Variants in ATP11C observed in about 807,000 individuals in gnomAD.
ATP11C encodes ATPase phospholipid transporting 11C (ATP11C blood group), also known as phospholipid-transporting ATPase IG.
In ATP11C, 36 loss-of-function variants were observed where a neutral mutation model predicts 97.4. That is an observed-to-expected ratio of 0.37 (90% CI 0.28 to 0.49). The LOEUF (loss-of-function observed/expected upper bound fraction) is 0.49. Among genes scored for constraint, ATP11C ranks in the 20% least tolerant of loss-of-function variants. The pLI is 0.98. For synonymous variants in ATP11C, 275 were observed against 290.9 expected (o/e 0.95, Z 0.56); for missense variants, 730 against 824.6 (o/e 0.89, Z 1.40).
chrX:139,853,568 A>C (rs1396558250), intron 1 of ATP11C, among the ~76,000 whole-genome samples: 1 of 110,608 alleles, frequency 9.0e-6, no homozygotes, highest in African/African-American at 3.3e-5. Context: ...CCTGTACTTG[A>C]TAATTAAAGG....
chrX:139,765,268 T>C (rs1214368012), intron 20 of ATP11C, among the ~76,000 whole-genome samples: 2 of 111,846 alleles, frequency 1.8e-5, no homozygotes, highest in Admixed American at 9.5e-5. Context: ...TCATCAAGTA[T>C]AATAGCTTGC....
At chrX:139,817,521 A>G (rs917748148) in intron 3 of ATP11C, among the ~76,000 whole-genome samples, 2 of 112,817 alleles carry the variant, frequency 1.8e-5, no homozygotes, top group African/African-American at 3.2e-5. Context: ...CTCTAGGCCA[A>G]AGTAAGCTGT....
intron 1 of ATP11C, among the ~76,000 whole-genome samples, chrX:139,923,933 T>C (rs760683947): frequency 3.6e-5 from 4 of 112,158 alleles, no homozygotes; most frequent in African/African-American, 9.7e-5. Flanking sequence ...TTTGTAAATA[T>C]TGCCATAAAA....
At chrX:139,860,384 T>G (rs1284584963) in intron 1 of ATP11C, among the ~76,000 whole-genome samples, 1 of 111,616 alleles carries the variant, frequency 9.0e-6, no homozygotes, top group African/African-American at 3.3e-5. Flanking sequence ...TATACAGGTT[T>G]TAAGAGATAG....
intron 1 of ATP11C, among the ~76,000 whole-genome samples, chrX:139,853,917 G>C (rs1186261636): frequency 1.9e-5 from 2 of 103,301 alleles, no homozygotes; most frequent in African/African-American, 3.5e-5. Flanking sequence ...AGAAAAAGAT[G>C]ATTTAACATT....
chrX:139,812,179 A>T lies in ATP11C; in HGVS notation c.426+2699T>A, dbSNP rs1176755598. Among the ~76,000 whole-genome samples the T allele has an allele frequency of 2.7e-5, 3 of 111,877 alleles. No individual in the cohort carries two copies. The East Asian group carries it at 8.4e-4, about 31-fold the overall frequency. Reference sequence around the variant, plus strand: ...TTTCCCCCGACTCCCCAGCCAAGCAATCTGCTATTTAGAGACTGCTGGCTA... The same window carrying T: ...TTTCCCCCGACTCCCCAGCCAAGCATTCTGCTATTTAGAGACTGCTGGCTA... On this transcript the variant is annotated intron_variant, in intron 5 of 29. Coordinates refer to ENST00000682941, the MANE Select transcript of ATP11C (RefSeq NM_001353812.2).
upstream of ATP11C, among the ~76,000 whole-genome samples, chrX:139,934,839 A>G (rs2148210124): frequency 1.8e-5 from 2 of 111,515 alleles, 1 homozygote; most frequent in South Asian, 7.5e-4. Flanking sequence ...GTGAGCCACC[A>G]TGCCCGGCCT....
rs760979392 is a variant in ATP11C at position 139,783,215 on chromosome X, C to T, written c.1719G>A (p.Val573=). ...KGADSAVFPR[V]QNHEIELTKV... ...TAGTTAACTCAATTTCATGATTTTG[C>T]ACTCTGGGAAAAACTGCCGAGTCTG... Residue 573 remains valine, a synonymous_variant, in exon 17 of 30, where the codon GTG becomes GTA. Coordinates refer to ENST00000682941, the MANE Select transcript of ATP11C (RefSeq NM_001353812.2). 1.7e-6 allele frequency: 2 copies of T among 1,208,713 alleles called. No individual in the cohort carries two copies. The highest frequency in any genetic ancestry group is 1.1e-6 in the Non-Finnish European group (1 of 893,489).
In ATP11C at chrX:139,731,673, T is replaced by C. The variant is rs1188317341; in HGVS notation, c.3371A>G (p.Asp1124Gly). The C allele has an allele frequency of 6.7e-6, 8 of 1,192,087 alleles. No individual in the cohort carries two copies. Among genetic ancestry groups the C allele is most frequent in the Middle Eastern group, 2.3e-4 (1 of 4,256 alleles). ...VRPLLLRTFS[D>G]ESNVL Reference sequence around the variant, plus strand: ...TACCTGTTACAATACATTAGATTCGTCTGAGAATGTTCGTAAAAGAAGAGG... The same window carrying C: ...TACCTGTTACAATACATTAGATTCGCCTGAGAATGTTCGTAAAAGAAGAGG... The change falls in exon 29 of 30, where the codon GAC (aspartate) becomes GGC (glycine). Residue 1124 changes from aspartate (D) to glycine (G), a missense_variant. Coordinates refer to ENST00000682941, the MANE Select transcript of ATP11C (RefSeq NM_001353812.2).
At chrX:139,892,711 CCACA>C (rs747303114) in intron 1 of ATP11C, among the ~76,000 whole-genome samples, 40 of 111,718 alleles carry the variant, frequency 3.6e-4, no homozygotes, top group African/African-American at 1.2e-3. Context: ...AAAAACATGA[CCACA>C]CAAAGTCAGA....
At chrX:139,738,620 T>A (rs1404067605) in intron 27 of ATP11C, among the ~76,000 whole-genome samples, 1 of 111,981 alleles carries the variant, frequency 8.9e-6, no homozygotes, top group African/African-American at 3.2e-5. Context: ...CCAAATAGGT[T>A]GACACAGAGT....
intron 1 of ATP11C, among the ~76,000 whole-genome samples, chrX:139,883,855 G>A (rs1349302476): frequency 2.7e-5 from 3 of 111,596 alleles, no homozygotes; most frequent in Admixed American, 9.6e-5. Flanking sequence ...GAATAAATAT[G>A]AGAAACATAA....
At chrX:139,817,398 G>A (rs955340016) in intron 3 of ATP11C, among the ~76,000 whole-genome samples, 2 of 112,306 alleles carry the variant, frequency 1.8e-5, no homozygotes, top group African/African-American at 6.5e-5. Flanking sequence ...AGTTTTCTAG[G>A]CACAGTGAAC....
intron 1 of ATP11C, among the ~76,000 whole-genome samples, chrX:139,866,169 C>A (rs1218763819): frequency 9.2e-6 from 1 of 108,773 alleles, no homozygotes; most frequent in Non-Finnish European, 1.9e-5. Context: ...CATAGTGAAA[C>A]CCTGTCTCTA....
intron 1 of ATP11C, among the ~76,000 whole-genome samples, chrX:139,865,304 G>A (rs888653745): frequency 8.0e-5 from 9 of 111,928 alleles, no homozygotes; most frequent in Non-Finnish European, 1.7e-4. Context: ...TCAGAAGGTC[G>A]AGGCCATGAT....
chrX:139,898,840 G>A (rs1475532850), intron 1 of ATP11C, among the ~76,000 whole-genome samples: 1 of 111,701 alleles, frequency 9.0e-6, no homozygotes, highest in Non-Finnish European at 1.9e-5. Context: ...TACTCTTAGT[G>A]ACTTGTTTCC....
chrX:139,856,464 T>C (rs2084091836), intron 1 of ATP11C, among the ~76,000 whole-genome samples: 1 of 112,674 alleles, frequency 8.9e-6, no homozygotes, highest in South Asian at 3.6e-4. Context: ...AGATGTGTAG[T>C]GGTATTATGG....
chrX:139,879,386 C>A (rs920832313), intron 1 of ATP11C, among the ~76,000 whole-genome samples: 1 of 108,721 alleles, frequency 9.2e-6, no homozygotes, highest in Non-Finnish European at 1.9e-5. Context: ...AATGAATGAA[C>A]CTAGAGGACA....
At position 139,876,259 on chromosome X, in the gene ATP11C, G is replaced by C. The variant is rs907303724; in HGVS notation, c.28-49436C>G. ...AATGCTACAGCCACTTCTCTAACAAGAACAAAACAAAAATGGTGTGTTTTT... is the reference window on the plus strand; with the variant it reads ...AATGCTACAGCCACTTCTCTAACAACAACAAAACAAAAATGGTGTGTTTTT... On this transcript the variant is annotated intron_variant, in intron 1 of 29. Transcript: ENST00000682941. Among the ~76,000 whole-genome samples the C allele has an allele frequency of 1.1e-4, 12 of 111,742 alleles. No homozygotes were observed. In the South Asian group the frequency reaches 1.5e-3, roughly 14 times the overall value.
Sources: allele counts gnomAD v4.1 joint callset (sites outside exome capture counted in the v4.1 genomes callset), GRCh38; gene constraint gnomAD v4.1.1; transcripts MANE v1.5; gene names NCBI Gene and HGNC (gene_info 2026-07-23, HGNC 2026-07-21).